LYPD6B: variants seen among roughly 807,000 people sequenced by gnomAD.
LYPD6B encodes the protein ly6/PLAUR domain-containing protein 6B.
In LYPD6B, 17 loss-of-function variants were observed where a neutral mutation model predicts 22.8. The observed-to-expected ratio is 0.75, with a 90% CI of 0.51 to 1.12. The LOEUF (loss-of-function observed/expected upper bound fraction) is 1.12. LYPD6B is among the 50% of genes most tolerant of loss of function. The probability of loss-of-function intolerance (pLI) is 0.00; values close to 1 mark genes in which losing one functional copy is unlikely to be tolerated. For missense variants in LYPD6B, 221 were observed against 258.3 expected (o/e 0.86, Z 0.99); for synonymous variants, 106 against 91.6 (o/e 1.16, Z -0.90).
At chr2:149,167,863 C>T (rs1690533350) in intron 3 of LYPD6B, among the ~76,000 whole-genome samples, 1 of 151,978 alleles carries the variant, frequency 6.6e-6, no homozygotes, top group African/African-American at 2.4e-5. Context: ...ACGATGATTG[C>T]TTAACAATAA....
chr2:149,135,238 C>G (rs1278182244), intron 2 of LYPD6B, among the ~76,000 whole-genome samples: 1 of 136,390 alleles, frequency 7.3e-6, no homozygotes, highest in Non-Finnish European at 1.6e-5. Flanking sequence ...GAGCAAGACT[C>G]TGTCTCAAAT....
At chr2:149,182,485 C>G (rs1261575782) in intron 3 of LYPD6B, among the ~76,000 whole-genome samples, 2 of 152,200 alleles carry the variant, frequency 1.3e-5, no homozygotes, top group African/African-American at 4.8e-5. Context: ...TGGCAATCCT[C>G]CCACAGCAAG....
At chr2:149,143,710 C>T (rs1489021539) in intron 2 of LYPD6B, 1 of 152,036 alleles carries the variant, frequency 6.6e-6, no homozygotes, top group Admixed American at 6.6e-5. Flanking sequence ...TTTTAAATTG[C>T]AATTATAACT....
At chr2:149,123,420 A>T (rs1238776648) in intron 1 of LYPD6B, among the ~76,000 whole-genome samples, 1 of 152,210 alleles carries the variant, frequency 6.6e-6, no homozygotes, top group Admixed American at 6.5e-5. Flanking sequence ...TAGAGTTAAC[A>T]TTATGGGAAT....
intron 1 of LYPD6B, among the ~76,000 whole-genome samples, chr2:149,051,497 A>G (rs1055222580): frequency 2.2e-4 from 33 of 152,214 alleles, no homozygotes; most frequent in Admixed American, 2.1e-3. Flanking sequence ...TTTGTATTTA[A>G]TCATGAAGGT....
At chr2:149,174,212 G>A (rs1055538436) in intron 3 of LYPD6B, among the ~76,000 whole-genome samples, 11 of 152,170 alleles carry the variant, frequency 7.2e-5, no homozygotes, top group Non-Finnish European at 1.6e-4. Context: ...AGGAATGCTT[G>A]TGCTTTTTGC....
At position 149,069,774 on chromosome 2, in the gene LYPD6B, C is replaced by A. The variant is rs370526976; in HGVS notation, c.-67+30973C>A. ...GTGCCCAGTTGTCCATAGTGCTGAG[C>A]AGTGTCCACTACTCAGTGTGAGGCC... On this transcript the variant is annotated intron_variant, in intron 1 of 6. Coordinates refer to ENST00000409642, the MANE Select transcript of LYPD6B (RefSeq NM_177964.5). Among the ~76,000 whole-genome samples, 10 of 152,096 alleles carry A rather than the reference C, an allele frequency of 6.6e-5. No individual in the cohort carries two copies. In the East Asian group the frequency reaches 1.7e-3, roughly 26 times the overall value.
At position 149,214,790 on chromosome 2, in the gene LYPD6B, A is replaced by G; in HGVS notation, c.*80A>G. On this transcript the variant is annotated 3_prime_UTR_variant, in exon 7 of 7. Coordinates refer to ENST00000409642, the MANE Select transcript of LYPD6B (RefSeq NM_177964.5). ...TGTGTGAACGGTGAACTTTGGAGTG[A>G]AGATCAATCTTGCACTTGGTGAAGA... is the stretch of plus-strand genomic sequence containing the variant. The G allele has an allele frequency of 1.4e-6, 2 of 1,451,816 alleles. No homozygotes were observed. The highest frequency in any genetic ancestry group is 2.4e-5 in the South Asian group (2 of 85,102). 89.9% of individuals were successfully genotyped at this position (1,451,816 alleles called of 1,614,324 possible). A position where few individuals can be genotyped will look rare whatever the true frequency, so the allele number is the denominator to read the frequency against.
At chr2:149,043,790 C>CT (rs931128155) in intron 1 of LYPD6B, among the ~76,000 whole-genome samples, 47 of 152,194 alleles carry the variant, frequency 3.1e-4, no homozygotes, top group African/African-American at 1.0e-3. Context: ...ATCCATTTTA[C>CT]TTTAATTTTT....
At chr2:149,092,137 G>C (rs780031552) in intron 1 of LYPD6B, among the ~76,000 whole-genome samples, 2 of 152,082 alleles carry the variant, frequency 1.3e-5, no homozygotes, top group Non-Finnish European at 2.9e-5. Flanking sequence ...AGGGCGGAGA[G>C]TGAGAAAGCT....
At chr2:149,066,734 C>T (rs1008934650) in intron 1 of LYPD6B, among the ~76,000 whole-genome samples, 6 of 152,050 alleles carry the variant, frequency 3.9e-5, no homozygotes, top group African/African-American at 9.7e-5. Context: ...CACCCTCCAA[C>T]ATTCTCCCTT....
chr2:149,136,745 G>GA (rs1688395099), intron 2 of LYPD6B, among the ~76,000 whole-genome samples: 1 of 152,220 alleles, frequency 6.6e-6, no homozygotes, highest in East Asian at 1.9e-4. Context: ...ATTATTTCGT[G>GA]AAAAAAATGT....
intron 3 of LYPD6B, among the ~76,000 whole-genome samples, chr2:149,177,491 G>T (rs964728855): frequency 5.9e-5 from 9 of 152,256 alleles, no homozygotes; most frequent in African/African-American, 2.2e-4. Flanking sequence ...GCAGCCAGTA[G>T]CATTGCTCTT....
chr2:149,096,901 G>T (rs73963347), intron 1 of LYPD6B, among the ~76,000 whole-genome samples: 1,807 of 152,274 alleles, frequency 0.012, 45 homozygotes, highest in African/African-American at 0.039. Context: ...TTTTAAAAGT[G>T]TGAATAGAAC....
intron 3 of LYPD6B, among the ~76,000 whole-genome samples, chr2:149,202,177 C>T (rs1693203927): frequency 1.3e-5 from 2 of 152,184 alleles, no homozygotes; most frequent in African/African-American, 4.8e-5. Context: ...GACTAGGAAT[C>T]TGGGACCAAT....
In LYPD6B at chr2:149,094,798, T is replaced by C. The variant is rs1408868990; in HGVS notation, c.-66-36085T>C. On this transcript the variant is annotated intron_variant, in intron 1 of 6. Transcript: ENST00000409642. ...AAATCCCTGCCATATTGTGGCTGCT[T>C]TGTATGCTTGGCATTGCTTTGCTTC... is the stretch of plus-strand genomic sequence containing the variant. 2.0e-5 allele frequency among the ~76,000 whole-genome samples: 3 copies of C among 152,192 alleles called. No homozygotes were observed. In the South Asian group the frequency reaches 6.2e-4, roughly 31 times the overall value.
intron 2 of LYPD6B, chr2:149,153,963 G>A (rs1689536835): frequency 2.8e-6 from 1 of 356,814 alleles, no homozygotes. Flanking sequence ...GAGCAACAAG[G>A]TGAGAGCCCT....
intron 1 of LYPD6B, among the ~76,000 whole-genome samples, chr2:149,086,705 C>A (rs1685410744): frequency 6.6e-6 from 1 of 152,124 alleles, no homozygotes; most frequent in Non-Finnish European, 1.5e-5. Flanking sequence ...GTGCCCTAAA[C>A]AATAAAAATT....
intron 3 of LYPD6B, among the ~76,000 whole-genome samples, chr2:149,202,917 G>T (rs970090297): frequency 4.6e-5 from 7 of 152,118 alleles, no homozygotes; most frequent in East Asian, 3.9e-4. Flanking sequence ...TATGAAATGG[G>T]TATTATTACT....
Sources: allele counts gnomAD v4.1 joint callset (sites outside exome capture counted in the v4.1 genomes callset), GRCh38; gene constraint gnomAD v4.1.1; transcripts MANE v1.5; gene names NCBI Gene and HGNC (gene_info 2026-07-23, HGNC 2026-07-21).